The following DNAAF9 variants were observed in gnomAD, a reference collection of about 807,000 sequenced individuals.
DNAAF9 encodes shulin.
A neutral mutation model predicts 167.0 loss-of-function variants in DNAAF9; 90 were observed. That is an observed-to-expected ratio of 0.54 (90% CI 0.45 to 0.64). DNAAF9 has a LOEUF of 0.64. Among genes scored for constraint, DNAAF9 ranks in the 30% least tolerant of loss-of-function variants. The pLI, the probability that DNAAF9 is intolerant of heterozygous loss-of-function variation, is 0.00. For missense variants in DNAAF9, 1,315 were observed against 1,442.2 expected, an observed-to-expected ratio of 0.91 and a Z score of 1.43; for synonymous variants, 491 against 508.8, an observed-to-expected ratio of 0.96 and a Z score of 0.47.
intron 32 of DNAAF9, 147 bp downstream of exon 32, chr20:3,259,775 C>T: frequency 1.5e-6 from 1 of 671,990 alleles, no homozygotes; most frequent in Non-Finnish European, 2.7e-6. Context: ...GTGTGACCAC[C>T]CACAATCCTC....
At chr20:3,269,453 T>C (rs558711939) in intron 30 of DNAAF9, among the ~76,000 whole-genome samples, 7 of 152,170 alleles carry the variant, frequency 4.6e-5, no homozygotes, top group African/African-American at 1.7e-4. Flanking sequence ...CAAGGAGTTT[T>C]GGGCTCCCTA....
intron 5 of DNAAF9, among the ~76,000 whole-genome samples, 188 bp from the exon 6 acceptor site, chr20:3,374,342 A>C (rs543344874): frequency 6.6e-6 from 1 of 152,386 alleles, no homozygotes; most frequent in East Asian, 1.9e-4. Flanking sequence ...AAGTCAAGGA[A>C]AATTCAAACC....
At chr20:3,295,840 G>A in intron 23 of DNAAF9, 1 of 931,284 alleles carries the variant, frequency 1.1e-6, no homozygotes, top group South Asian at 1.3e-5. Flanking sequence ...TAAACAAAGA[G>A]TTTAATCCCC....
chr20:3,276,674 AAAG>A (rs2068680225), intron 29 of DNAAF9, among the ~76,000 whole-genome samples: 1 of 152,158 alleles, frequency 6.6e-6, no homozygotes, highest in Admixed American at 6.5e-5. Flanking sequence ...CTCATGCAAA[AAAG>A]AAGAGGGACA....
chr20:3,391,859 G>A (rs773121399), intron 1 of DNAAF9, among the ~76,000 whole-genome samples: 1 of 151,982 alleles, frequency 6.6e-6, no homozygotes, highest in African/African-American at 2.4e-5. Context: ...GATTACAGGC[G>A]TGAGCCACCA....
At chr20:3,297,865 C>A (rs6051723) in intron 22 of DNAAF9, among the ~76,000 whole-genome samples, 164 bp downstream of exon 22, 29,305 of 152,124 alleles carry the variant, frequency 0.19, 3,054 homozygotes, top group African/African-American at 0.24. Flanking sequence ...AACAGCACCA[C>A]TCCAGAACTT....
chr20:3,295,890 T>C (rs2069066529), intron 23 of DNAAF9: 1 of 1,238,526 alleles, frequency 8.1e-7, no homozygotes, highest in Non-Finnish European at 1.2e-6. Flanking sequence ...GCCCAGCCAG[T>C]GCCGTCAATT....
intron 7 of DNAAF9, among the ~76,000 whole-genome samples, chr20:3,355,542 C>G (rs2083272814): frequency 8.2e-6 from 1 of 121,278 alleles, no homozygotes; most frequent in South Asian, 3.2e-4. Context: ...CCACTGCACT[C>G]CAGCCTGGGT....
chr20:3,386,573 ACACCAAAAAG>A (rs970240057), intron 1 of DNAAF9, among the ~76,000 whole-genome samples: 23 of 152,136 alleles, frequency 1.5e-4, no homozygotes, highest in African/African-American at 4.8e-4. Context: ...CTTACACTTG[ACACCAAAAAG>A]TGTGATCCAT....
At chr20:3,270,613 G>A in intron 29 of DNAAF9, 51 bp from the exon 30 acceptor site, 3 of 1,558,382 alleles carry the variant, frequency 1.9e-6, no homozygotes, top group South Asian at 1.1e-5. Flanking sequence ...GGTTAGGGGT[G>A]AAGGCTCACA....
chr20:3,273,339 G>C (rs1280928744), intron 29 of DNAAF9, among the ~76,000 whole-genome samples: 4 of 152,176 alleles, frequency 2.6e-5, no homozygotes, highest in African/African-American at 9.7e-5. Flanking sequence ...AGAACATATA[G>C]AAAGTGTGTC....
chr20:3,274,547 C>T (rs2068646854), intron 29 of DNAAF9, among the ~76,000 whole-genome samples: 1 of 152,178 alleles, frequency 6.6e-6, no homozygotes, highest in African/African-American at 2.4e-5. Flanking sequence ...TTGAGTTCCG[C>T]TAATTACTAA....
At chr20:3,288,171 T>C (rs6037533) in intron 26 of DNAAF9, among the ~76,000 whole-genome samples, 31,329 of 152,168 alleles carry the variant, frequency 0.21, 3,522 homozygotes, top group African/African-American at 0.28. Context: ...CAGGGTTGGC[T>C]GGGCATTGTG....
chr20:3,323,908 C>T (rs947799320), intron 14 of DNAAF9, among the ~76,000 whole-genome samples: 8 of 152,214 alleles, frequency 5.3e-5, no homozygotes, highest in Non-Finnish European at 8.8e-5. Context: ...ACAGACAGTT[C>T]CTATCTTGCC....
intron 21 of DNAAF9, among the ~76,000 whole-genome samples, chr20:3,298,791 A>G (rs2069128812): frequency 6.6e-6 from 1 of 152,062 alleles, no homozygotes; most frequent in African/African-American, 2.4e-5. Flanking sequence ...TCCAATTTAC[A>G]TATTTTTTCA....
chr20:3,346,687 G>T (rs1275947844), intron 8 of DNAAF9, among the ~76,000 whole-genome samples: 1 of 151,898 alleles, frequency 6.6e-6, no homozygotes, highest in African/African-American at 2.4e-5. Flanking sequence ...AACTCAAGAG[G>T]TTTGTTACCT....
In DNAAF9 at chr20:3,294,228, T is replaced by C. The variant is rs758056415; in HGVS notation, c.2149A>G (p.Ile717Val). The change falls in exon 25 of 37, where the codon ATT becomes GTT. Residue 717 changes from isoleucine to valine, a missense_variant. Physicochemically the swap from Ile to Val is conservative, Grantham distance 29. Coordinates refer to ENST00000252032, the MANE Select transcript of DNAAF9 (RefSeq NM_001009984.3). ...GTCCGCATCACAGGCTCCTGGCTAA[T>C]GCTGCTGATGGCGAAATGCTGGAGA... ...WFLQHFAISS[I>V]SQEPVMRTHL... 6.2e-6 allele frequency: 10 copies of C among 1,612,826 alleles called. No individual in the cohort carries two copies. The South Asian group carries it at 8.8e-5, about 14-fold the overall frequency.
chr20:3,299,129 G>C (rs1383306730), intron 21 of DNAAF9, among the ~76,000 whole-genome samples: 1 of 151,734 alleles, frequency 6.6e-6, no homozygotes, highest in African/African-American at 2.4e-5. Flanking sequence ...GGCTGGTCTC[G>C]AACTCCCGAC....
intron 33 of DNAAF9, among the ~76,000 whole-genome samples, chr20:3,258,748 A>T (rs964340582): frequency 6.6e-6 from 1 of 152,106 alleles, no homozygotes; most frequent in Admixed American, 6.5e-5. Flanking sequence ...TGAGCGCCTC[A>T]CTTGTTATAC....
Sources: allele counts gnomAD v4.1 joint callset (sites outside exome capture counted in the v4.1 genomes callset), GRCh38; gene constraint gnomAD v4.1.1; transcripts MANE v1.5; gene names NCBI Gene and HGNC (gene_info 2026-07-23, HGNC 2026-07-21).